ACACA: variants seen among roughly 807,000 people sequenced by gnomAD.
The protein encoded by ACACA is acetyl-CoA carboxylase 1.
A neutral mutation model predicts 296.1 loss-of-function variants in ACACA; 103 were observed. The ratio of observed to expected loss-of-function variants is 0.35; its 90% CI spans 0.30 to 0.41. ACACA has a LOEUF of 0.41. Ranked by LOEUF, ACACA falls within the 10% of genes least tolerant of loss-of-function variation. The pLI is 1.00. For missense variants in ACACA, 1,554 were observed against 2,989.7 expected, an observed-to-expected ratio of 0.52 and a Z score of 11.20; for synonymous variants, 953 against 1,038.6, an observed-to-expected ratio of 0.92 and a Z score of 1.58.
chr17:37,158,624 T>G (rs2076345086), intron 42 of ACACA, among the ~76,000 whole-genome samples: 1 of 152,078 alleles, frequency 6.6e-6, no homozygotes, highest in African/African-American at 2.4e-5. Flanking sequence ...AGTGAGACCC[T>G]GTCTCAAAAA....
At chr17:37,194,613 G>A (rs1433496382) in intron 35 of ACACA, among the ~76,000 whole-genome samples, 4 of 152,100 alleles carry the variant, frequency 2.6e-5, no homozygotes, top group African/African-American at 9.7e-5. Flanking sequence ...CAAAAACACA[G>A]AAATTAAGAC....
At chr17:37,308,810 G>A (rs576702914) in intron 3 of ACACA, among the ~76,000 whole-genome samples, 11 of 152,156 alleles carry the variant, frequency 7.2e-5, no homozygotes, top group African/African-American at 1.7e-4. Context: ...AGTGGTGCAC[G>A]CCTGTAATCC....
rs948990280 is a variant in ACACA at position 37,097,567 on chromosome 17, G to A, written c.6720+263C>T. ...CACATCCTGAGGACCCGTCACCAAT[G>A]AAGTCACATGTGACTCAGTTTCCCA... On this transcript the variant is annotated intron_variant, in intron 53 of 55. Transcript: ENST00000616317. The surrounding 1 kb of genome is among the most constrained non-coding windows in gnomAD (Gnocchi z 4.8). 6.6e-6 allele frequency among the ~76,000 whole-genome samples: 1 copy of A among 152,164 alleles called. No homozygotes were observed. The highest frequency in any genetic ancestry group is 2.4e-5 in the African/African-American group (1 of 41,430).
At chr17:37,188,890 T>C (rs1444312023) in intron 38 of ACACA, among the ~76,000 whole-genome samples, 1 of 152,274 alleles carries the variant, frequency 6.6e-6, no homozygotes, top group Admixed American at 6.5e-5. Context: ...TATGTTTCAC[T>C]GCACTTACAG....
At chr17:37,156,133 A>G (rs1310734390) in intron 42 of ACACA, among the ~76,000 whole-genome samples, 3 of 131,424 alleles carry the variant, frequency 2.3e-5, no homozygotes, top group Admixed American at 9.7e-5. Context: ...GCGCGATCTC[A>G]GCTCACTGCA....
intron 35 of ACACA, among the ~76,000 whole-genome samples, chr17:37,195,504 T>G (rs571214000): frequency 2.6e-5 from 4 of 152,188 alleles, no homozygotes; most frequent in South Asian, 2.1e-4. Context: ...AAAGTTGTCA[T>G]GAGATCATAT....
intron 54 of ACACA, 63 bp downstream of exon 54, chr17:37,096,933 T>C: frequency 1.2e-6 from 2 of 1,601,454 alleles, no homozygotes; most frequent in Non-Finnish European, 1.7e-6. Context: ...CTGGCGAGAC[T>C]TGCAGCCCTC....
chr17:37,392,335 A>T (rs2050918168), intron 1 of ACACA: 1 of 152,326 alleles, frequency 6.6e-6, no homozygotes, highest in African/African-American at 2.4e-5. Flanking sequence ...CTGACGATCC[A>T]GAATTCCTAA....
At chr17:37,287,852 G>C (rs1206430397) in intron 3 of ACACA, among the ~76,000 whole-genome samples, 1 of 152,028 alleles carries the variant, frequency 6.6e-6, no homozygotes, top group Non-Finnish European at 1.5e-5. Context: ...GCACTCTGCT[G>C]TTGGCACTCA....
intron 47 of ACACA, among the ~76,000 whole-genome samples, chr17:37,126,662 A>G (rs2074802335): frequency 6.6e-6 from 1 of 152,172 alleles, no homozygotes; most frequent in Non-Finnish European, 1.5e-5. Flanking sequence ...CAAGTCCAAA[A>G]CCAATTAAAA....
At chr17:37,269,209 GGCAATGCTCCC>G (rs1215946287) in intron 10 of ACACA, among the ~76,000 whole-genome samples, 1 of 152,070 alleles carries the variant, frequency 6.6e-6, no homozygotes, top group Non-Finnish European at 1.5e-5. Context: ...TCTGGCTTCA[GGCAATGCTCCC>G]GCTTTAGACT....
chr17:37,128,405 C>A (rs1358119617), intron 47 of ACACA, among the ~76,000 whole-genome samples: 1 of 151,748 alleles, frequency 6.6e-6, no homozygotes, highest in Non-Finnish European at 1.5e-5. Context: ...TTTATTAGGT[C>A]TTCCTTATGA....
intron 11 of ACACA, among the ~76,000 whole-genome samples, chr17:37,261,440 A>G (rs745692996): frequency 6.6e-6 from 1 of 152,266 alleles, no homozygotes; most frequent in Non-Finnish European, 1.5e-5. Flanking sequence ...AGCTTAGTTA[A>G]GTATTTGAAG....
At chr17:37,226,949 A>C (rs118045714) in intron 25 of ACACA, among the ~76,000 whole-genome samples, 1 of 151,818 alleles carries the variant, frequency 6.6e-6, no homozygotes, top group African/African-American at 2.4e-5. Context: ...GAAACACAAG[A>C]ATAAATTATT....
intron 1 of ACACA, among the ~76,000 whole-genome samples, chr17:37,396,765 A>G (rs1439609432): frequency 3.9e-5 from 6 of 152,128 alleles, no homozygotes; most frequent in African/African-American, 1.4e-4. Flanking sequence ...TGAGAGTCCT[A>G]TGATCCCTTC....
intron 1 of ACACA, chr17:37,386,254 C>T (rs548348578): frequency 7.5e-5 from 46 of 616,596 alleles, no homozygotes; most frequent in Admixed American, 4.7e-4. Context: ...TGAGAAGTTA[C>T]TGAATGTACA....
intron 3 of ACACA, chr17:37,301,483 G>A (rs887519890): frequency 1.1e-5 from 8 of 752,480 alleles, no homozygotes; most frequent in Non-Finnish European, 1.3e-5. Flanking sequence ...TGATGCATTC[G>A]CTAGCTTGAC....
At chr17:37,216,547 A>C (rs1028503282) in intron 29 of ACACA, among the ~76,000 whole-genome samples, 1 of 152,052 alleles carries the variant, frequency 6.6e-6, no homozygotes, top group Non-Finnish European at 1.5e-5. Flanking sequence ...AAATTATTGG[A>C]GTTTTTTTTT....
intron 1 of ACACA, among the ~76,000 whole-genome samples, chr17:37,362,461 ACAGAGTGTCTGTGTCACACTC>A (rs2049439364): frequency 6.6e-6 from 1 of 152,234 alleles, no homozygotes; most frequent in Non-Finnish European, 1.5e-5. Flanking sequence ...GCACATTAAA[ACAGAGTGTCTGTGTCACACTC>A]TTTAGATGAT....
Sources: allele counts gnomAD v4.1 joint callset (sites outside exome capture counted in the v4.1 genomes callset), GRCh38; gene constraint gnomAD v4.1.1; non-coding constraint Gnocchi (gnomAD v3.1); transcripts MANE v1.5; gene names NCBI Gene and HGNC (gene_info 2026-07-23, HGNC 2026-07-21).